The following DCAF8L2 variants were observed in gnomAD, a reference collection of about 807,000 sequenced individuals.
DCAF8L2 encodes DDB1 and CUL4 associated factor 8 like 2, also known as DDB1- and CUL4-associated factor 8-like protein 2.
For missense variants in DCAF8L2, 430 were observed against 490.7 expected (o/e 0.88, Z 1.17); for synonymous variants, 200 against 190.9 (o/e 1.05, Z -0.39).
intron 3 of DCAF8L2, among the ~76,000 whole-genome samples, chrX:27,681,661 C>T (rs991806616): frequency 2.7e-5 from 3 of 111,562 alleles, no homozygotes; most frequent in African/African-American, 9.8e-5. Flanking sequence ...ATTATATTGT[C>T]GTAGCTGAAG....
chrX:27,663,313 G>T (rs914844739), intron 2 of DCAF8L2, among the ~76,000 whole-genome samples: 3 of 111,906 alleles, frequency 2.7e-5, no homozygotes, highest in Non-Finnish European at 3.8e-5. Flanking sequence ...GAGAGTTTTT[G>T]TTTTGTTTTA....
At chrX:27,605,506 G>A (rs190445551) in intron 1 of DCAF8L2, among the ~76,000 whole-genome samples, 49 of 111,216 alleles carry the variant, frequency 4.4e-4, no homozygotes, top group African/African-American at 1.5e-3. Context: ...ACTGAAGCAC[G>A]TCCCTTTTTA....
rs73628819 is a variant in DCAF8L2, at chrX:27,617,578, T to G, written c.-341-14301T>G. 4.8e-3 allele frequency among the ~76,000 whole-genome samples: 534 copies of G among 111,224 alleles called. 5 individuals are homozygous for G. The highest frequency in any genetic ancestry group is 0.017 in the African/African-American group (511 of 30,720). ...CATATTTAAGAAAATGAAAACATGT[T>G]GAAAAAGAATCTTCCATTATCTTAC... On this transcript the variant is annotated intron_variant, in intron 1 of 4. Transcript: ENST00000451261.
At chrX:27,470,372 T>C in the DCAF8L2 span, among the ~76,000 whole-genome samples, 3 of 111,803 alleles carry the variant, frequency 2.7e-5, no homozygotes, top group Non-Finnish European at 3.8e-5. Flanking sequence ...TTAGCTTTCA[T>C]AGAGAAAGTT....
intron 3 of DCAF8L2, among the ~76,000 whole-genome samples, chrX:27,689,101 A>G (rs1930615561): frequency 8.9e-6 from 1 of 112,335 alleles, no homozygotes; most frequent in South Asian, 3.6e-4. Flanking sequence ...TATCAGTACA[A>G]TTTGGCCATA....
the DCAF8L2 span, among the ~76,000 whole-genome samples, chrX:27,573,283 C>T: frequency 7.4e-5 from 8 of 108,267 alleles, no homozygotes; most frequent in African/African-American, 2.3e-4. Flanking sequence ...CACACACACA[C>T]GGAGAGAGAC....
the DCAF8L2 span, among the ~76,000 whole-genome samples, chrX:27,584,589 A>C: frequency 1.8e-5 from 2 of 111,027 alleles, no homozygotes; most frequent in African/African-American, 6.6e-5. Flanking sequence ...CATTGTTTGC[A>C]CTACACTAGT....
In DCAF8L2 at chrX:27,746,945, A is replaced by C. The variant is rs754344752; in HGVS notation, c.50A>C (p.Glu17Ala). 130 of 1,203,853 alleles carry C rather than the reference A, an allele frequency of 1.1e-4. No homozygotes were observed. In the Middle Eastern group the frequency reaches 2.8e-3, roughly 25 times the overall value. The change falls in exon 5 of 5, where the codon GAA becomes GCA. Residue 17 changes from glutamate (E) to alanine (A), a missense_variant. By Grantham distance (107) the Glu-to-Ala change is moderately radical. Transcript: ENST00000451261. ...STDGLPDLGT[E>A]SLFSSPEEQS... ...GACGGCTTACCAGACTTAGGGACTG[A>C]AAGCCTGTTCAGCAGCCCAGAGGAG...
chrX:27,516,483 CACAA>C, the DCAF8L2 span, among the ~76,000 whole-genome samples: 1 of 105,400 alleles, frequency 9.5e-6, no homozygotes, highest in Non-Finnish European at 1.9e-5. Flanking sequence ...CACACACACA[CACAA>C]ACACACACAC....
At chrX:27,491,411 C>T in the DCAF8L2 span, among the ~76,000 whole-genome samples, 1 of 112,292 alleles carries the variant, frequency 8.9e-6, no homozygotes, top group Admixed American at 9.5e-5. Flanking sequence ...TTTATTTCAG[C>T]AGTCTCAATT....
the DCAF8L2 span, among the ~76,000 whole-genome samples, chrX:27,583,017 T>G: frequency 8.9e-6 from 1 of 111,856 alleles, no homozygotes; most frequent in African/African-American, 3.3e-5. Flanking sequence ...TAGTATTCAT[T>G]ATTGGATCTC....
In DCAF8L2 at chrX:27,593,118, G is replaced by A. The variant is rs1485637673; in HGVS notation, c.-342+2678G>A. On this transcript the variant is annotated intron_variant, in intron 1 of 4. Coordinates refer to ENST00000451261, the MANE Select transcript of DCAF8L2 (RefSeq NM_001353450.2). The stretch of plus-strand genomic sequence containing the variant: ...CCAGCCATCTCAACCATTTTTAAGC[G>A]CATAGTTCAGTGGCATTAACTACGC... Among the ~76,000 whole-genome samples the A allele has an allele frequency of 1.1e-4, 12 of 111,522 alleles. No homozygotes were observed. The East Asian group carries it at 1.1e-3, about 11-fold the overall frequency.
chrX:27,644,050 T>A (rs1353786175), intron 2 of DCAF8L2, among the ~76,000 whole-genome samples: 2 of 111,737 alleles, frequency 1.8e-5, no homozygotes, highest in Non-Finnish European at 3.8e-5. Flanking sequence ...CTTAGCTCAC[T>A]CACTATTTTT....
At chrX:27,745,255 T>G (rs1739504692) in intron 4 of DCAF8L2, among the ~76,000 whole-genome samples, 1 of 112,629 alleles carries the variant, frequency 8.9e-6, no homozygotes, top group African/African-American at 3.2e-5. Context: ...CTTTCTCAGA[T>G]TTCAACCTTC....
the DCAF8L2 span, among the ~76,000 whole-genome samples, chrX:27,563,170 CAT>C: frequency 9.0e-6 from 1 of 110,588 alleles, no homozygotes; most frequent in African/African-American, 3.3e-5. Flanking sequence ...CTGGATGAAA[CAT>C]AAAATTGTAT....
At chrX:27,488,517 C>CTGTGTGTGTG in the DCAF8L2 span, among the ~76,000 whole-genome samples, 50 of 80,486 alleles carry the variant, frequency 6.2e-4, no homozygotes, top group East Asian at 1.3e-3. Flanking sequence ...AAAATTACCT[C>CTGTGTGTGTG]TGTGTGTGTG....
At chrX:27,542,691 C>A in the DCAF8L2 span, among the ~76,000 whole-genome samples, 1 of 106,052 alleles carries the variant, frequency 9.4e-6, no homozygotes, top group South Asian at 4.3e-4. Flanking sequence ...TACAGGCGCC[C>A]GCCACTACGC....
intron 1 of DCAF8L2, among the ~76,000 whole-genome samples, chrX:27,628,167 A>G (rs1928123412): frequency 9.0e-6 from 1 of 111,602 alleles, no homozygotes; most frequent in African/African-American, 3.3e-5. Flanking sequence ...GATACCTCAT[A>G]TAAGTGAAAT....
chrX:27,475,141 C>T, the DCAF8L2 span, among the ~76,000 whole-genome samples: 9 of 110,899 alleles, frequency 8.1e-5, no homozygotes, highest in Non-Finnish European at 1.5e-4. Flanking sequence ...GGGCCAGAGT[C>T]GATTTTTTCA....
Sources: gnomAD v4.1 joint callset for allele counts (sites outside exome capture counted in the v4.1 genomes callset) on GRCh38, gnomAD v4.1.1 for gene constraint, MANE v1.5 for transcripts, NCBI Gene and HGNC (gene_info 2026-07-23, HGNC 2026-07-21) for gene names.